The following ADCY5 variants were observed in gnomAD, a reference collection of about 807,000 sequenced individuals.
ADCY5 encodes adenylate cyclase 5, also known as adenylate cyclase type 5.
A neutral mutation model predicts 119.7 loss-of-function variants in ADCY5; 30 were observed. The observed-to-expected ratio is 0.25, with a 90% CI of 0.19 to 0.34. The LOEUF is 0.34. Ranked by LOEUF, ADCY5 falls within the 10% of genes least tolerant of loss-of-function variation. The probability of loss-of-function intolerance (pLI) is 1.00; values close to 1 mark genes in which losing one functional copy is unlikely to be tolerated. For missense variants in ADCY5, 1,324 were observed against 1,775.2 expected (o/e 0.75, Z 4.57); for synonymous variants, 753 against 762.2 (o/e 0.99, Z 0.20).
intron 1 of ADCY5, among the ~76,000 whole-genome samples, chr3:123,403,972 G>A (rs116292978): frequency 0.012 from 1,887 of 152,262 alleles, 45 homozygotes; most frequent in African/African-American, 0.043. Context: ...ACTACAGCCA[G>A]CTACACACAG....
At chr3:123,285,500 T>C (rs965675940) in intron 20 of ADCY5, among the ~76,000 whole-genome samples, 4 of 152,154 alleles carry the variant, frequency 2.6e-5, no homozygotes, top group African/African-American at 7.2e-5. Context: ...CAAGAGCTGT[T>C]TGTGAGCATC....
At chr3:123,402,782 G>A (rs1181708171) in intron 1 of ADCY5, among the ~76,000 whole-genome samples, 1 of 151,586 alleles carries the variant, frequency 6.6e-6, no homozygotes. Flanking sequence ...GAACCCGGGA[G>A]GCGGAGCTTG....
chr3:123,372,475 G>A (rs1943674471), intron 1 of ADCY5, among the ~76,000 whole-genome samples: 1 of 152,200 alleles, frequency 6.6e-6, no homozygotes, highest in African/African-American at 2.4e-5. Context: ...CCTATTTGGA[G>A]GAAGCAGCAC....
In ADCY5 at chr3:123,448,689, A is replaced by C; in HGVS notation, c.-144T>G. The C allele has an allele frequency of 1.5e-6, 1 of 654,258 alleles. No homozygotes were observed. The highest frequency in any genetic ancestry group is 2.2e-6 in the Non-Finnish European group (1 of 460,114). The allele number at this position is 654,258 out of a possible 1,614,324, so 40.5% of individuals were successfully genotyped here. On this transcript the variant is annotated 5_prime_UTR_variant, in exon 1 of 21. The change abolishes an upstream ATG in the 5' untranslated region. Coordinates refer to ENST00000462833, the MANE Select transcript of ADCY5 (RefSeq NM_183357.3). Reference sequence around the variant, plus strand: ...CCGGGGCCCTGCGCTGCAGCGGGGCATCTTGGCACCCCCGTCCTGAGCGGA... The same window carrying C: ...CCGGGGCCCTGCGCTGCAGCGGGGCCTCTTGGCACCCCCGTCCTGAGCGGA...
chr3:123,332,282 C>T (rs1044839300), intron 4 of ADCY5, among the ~76,000 whole-genome samples: 3 of 152,292 alleles, frequency 2.0e-5, no homozygotes, highest in South Asian at 4.1e-4. Context: ...CCTCACCACC[C>T]GCTTCCAAGG....
At chr3:123,319,076 G>A (rs1941076547) in intron 10 of ADCY5, among the ~76,000 whole-genome samples, 1 of 152,188 alleles carries the variant, frequency 6.6e-6, no homozygotes, top group African/African-American at 2.4e-5. Context: ...AGAAACTGCT[G>A]GGCATGGTGG....
In ADCY5 at chr3:123,286,067, G is replaced by GACT. The variant is rs1353271550; in HGVS notation, c.3657+615_3657+617dup. On this transcript the variant is annotated intron_variant, in intron 20 of 20. Coordinates refer to ENST00000462833, the MANE Select transcript of ADCY5 (RefSeq NM_183357.3). This position sits in a 1 kb window ranked among gnomAD's most constrained non-coding sequence, Gnocchi z 4.2. ...ACTGGGGGTGAGGGCCGTGCAGGAG[G>GACT]ACTACTGCCCAGGGCGGTGCCTCTG... 1.3e-5 allele frequency among the ~76,000 whole-genome samples: 2 copies of GACT among 152,160 alleles called. No homozygotes were observed. The highest frequency in any genetic ancestry group is 4.8e-5 in the African/African-American group (2 of 41,430).
rs540368152 is a variant in ADCY5 at position 123,289,394 on chromosome 3, T to C, written c.3532+356A>G. Among the ~76,000 whole-genome samples the C allele has an allele frequency of 1.2e-4, 18 of 152,358 alleles. No individual in the cohort carries two copies. In the East Asian group the frequency reaches 3.3e-3, roughly 28 times the overall value. On this transcript the variant is annotated intron_variant, in intron 19 of 20. Coordinates refer to ENST00000462833, the MANE Select transcript of ADCY5 (RefSeq NM_183357.3). ...GTGCTACAACCACCAGAAGGCCCCA[T>C]GCCCTCGGCACAGAGCATCCCCCAC...
At chr3:123,427,991 T>C (rs1262856396) in intron 1 of ADCY5, among the ~76,000 whole-genome samples, 5 of 151,976 alleles carry the variant, frequency 3.3e-5, no homozygotes, top group African/African-American at 1.2e-4. Flanking sequence ...GATGAGGAAT[T>C]TTGTTGGGAG....
At chr3:123,326,856 C>T (rs1229689275) in intron 7 of ADCY5, among the ~76,000 whole-genome samples, 1 of 152,206 alleles carries the variant, frequency 6.6e-6, no homozygotes, top group Non-Finnish European at 1.5e-5. Context: ...TTAAAAATCA[C>T]CTTTGCTGTC....
At chr3:123,291,086 C>T in intron 18 of ADCY5, 27 bp downstream of exon 18, 3 of 1,592,164 alleles carry the variant, frequency 1.9e-6, no homozygotes, top group Non-Finnish European at 2.6e-6. Context: ...CCCAGGAACA[C>T]AGCCTGACCC....
At chr3:123,401,457 G>C (rs1944750917) in intron 1 of ADCY5, among the ~76,000 whole-genome samples, 1 of 152,166 alleles carries the variant, frequency 6.6e-6, no homozygotes, top group African/African-American at 2.4e-5. Context: ...TTCGCACTTA[G>C]GATGAAAAAC....
intron 1 of ADCY5, among the ~76,000 whole-genome samples, chr3:123,411,463 G>C (rs987743585): frequency 6.6e-6 from 1 of 152,174 alleles, no homozygotes; most frequent in African/African-American, 2.4e-5. Flanking sequence ...AACACTCATA[G>C]TGCCTGAACT....
intron 1 of ADCY5, chr3:123,368,127 C>T (rs1469202687): frequency 2.1e-5 from 25 of 1,216,098 alleles, no homozygotes; most frequent in African/African-American, 1.1e-4. Flanking sequence ...TCTTGTGACT[C>T]GGAGCCAGTC....
At chr3:123,342,001 T>G (rs1942307885) in intron 3 of ADCY5, among the ~76,000 whole-genome samples, 1 of 152,190 alleles carries the variant, frequency 6.6e-6, no homozygotes, top group African/African-American at 2.4e-5. Flanking sequence ...CTTGGCTCGC[T>G]GTAACCTCAG....
chr3:123,389,255 G>A (rs942651861), intron 1 of ADCY5, among the ~76,000 whole-genome samples: 1 of 152,166 alleles, frequency 6.6e-6, no homozygotes, highest in Non-Finnish European at 1.5e-5. Context: ...GAGGACAGCA[G>A]TGAGGGCTCA....
chr3:123,313,405 AG>A (rs1208348773), intron 12 of ADCY5, among the ~76,000 whole-genome samples: 1 of 152,182 alleles, frequency 6.6e-6, no homozygotes, highest in Non-Finnish European at 1.5e-5. Context: ...CCCACCCCAG[AG>A]GCTTGGCTCC....
At chr3:123,388,874 G>T (rs938258652) in intron 1 of ADCY5, among the ~76,000 whole-genome samples, 3 of 152,188 alleles carry the variant, frequency 2.0e-5, no homozygotes, top group African/African-American at 7.2e-5. Flanking sequence ...TGTCAAGAGG[G>T]CCAGTGGGGA....
chr3:123,375,487 C>T (rs894359621), intron 1 of ADCY5, among the ~76,000 whole-genome samples: 12 of 152,346 alleles, frequency 7.9e-5, no homozygotes, highest in Middle Eastern at 3.4e-3. Context: ...TTTTTGGGCT[C>T]AGCCACCAGT....
Sources: allele counts gnomAD v4.1 joint callset (sites outside exome capture counted in the v4.1 genomes callset), GRCh38; gene constraint gnomAD v4.1.1; non-coding constraint Gnocchi (gnomAD v3.1); transcripts MANE v1.5; gene names NCBI Gene and HGNC (gene_info 2026-07-23, HGNC 2026-07-21).